The following AGFG1 variants were observed in gnomAD, a reference collection of about 807,000 sequenced individuals.
AGFG1 encodes the protein arf-GAP domain and FG repeat-containing protein 1.
In AGFG1, 10 loss-of-function variants were observed where a neutral mutation model predicts 60.6. The ratio of observed to expected loss-of-function variants is 0.16; its 90% CI spans 0.10 to 0.28. The LOEUF (loss-of-function observed/expected upper bound fraction) is 0.28, where lower values mean the gene tolerates loss of function less well. Ranked by LOEUF, AGFG1 falls within the 10% of genes least tolerant of loss-of-function variation. The pLI, the probability that AGFG1 is intolerant of heterozygous loss-of-function variation, is 1.00. For missense variants in AGFG1, 537 were observed against 676.5 expected (o/e 0.79, Z 2.29); for synonymous variants, 247 against 242.9 (o/e 1.02, Z -0.16).
At chr2:227,545,222 T>C (rs966431897) in intron 10 of AGFG1, among the ~76,000 whole-genome samples, 1 of 152,372 alleles carries the variant, frequency 6.6e-6, no homozygotes, top group Non-Finnish European at 1.5e-5. Flanking sequence ...GTTCAGTCAC[T>C]GGTACCCTTT....
chr2:227,557,116 C>T lies in AGFG1; in HGVS notation c.*2621C>T, dbSNP rs185164968. 3 of 152,274 alleles carry T rather than the reference C, an allele frequency of 2.0e-5. No individual in the cohort carries two copies. Among genetic ancestry groups the T allele is most frequent in the Admixed American group, 2.0e-4 (3 of 15,302 alleles). The allele number at this position is 152,274 out of a possible 1,614,324, so 9.4% of individuals were successfully genotyped here. A position where few individuals can be genotyped will look rare whatever the true frequency, so the allele number is the denominator to read the frequency against. On this transcript the variant is annotated 3_prime_UTR_variant, in exon 13 of 13. Coordinates refer to ENST00000310078, the MANE Select transcript of AGFG1 (RefSeq NM_004504.5). ...GAAAAAATCCTGGAAGGTAACAAGG[C>T]TGAAGACCTTCAAATTTCCTGGCTT...
chr2:227,512,415 TC>T (rs1422623315), intron 2 of AGFG1, among the ~76,000 whole-genome samples: 1 of 152,230 alleles, frequency 6.6e-6, no homozygotes, highest in Non-Finnish European at 1.5e-5. Flanking sequence ...GAAATACTAA[TC>T]AGCTGGTGGT....
At chr2:227,541,885 G>T (rs182340763) in intron 10 of AGFG1, among the ~76,000 whole-genome samples, 7,865 of 152,176 alleles carry the variant, frequency 0.052, 263 homozygotes, top group African/African-American at 0.082. Flanking sequence ...GCAGTGGTTT[G>T]TAGTTCTCCT....
intron 5 of AGFG1, 36 bp downstream of exon 5, chr2:227,524,951 G>A (rs987837000): frequency 6.2e-7 from 1 of 1,609,986 alleles, no homozygotes; most frequent in African/African-American, 1.3e-5. Context: ...TGCTGGGGAT[G>A]CATATAAAAC....
intron 2 of AGFG1, among the ~76,000 whole-genome samples, chr2:227,507,122 T>C (rs1282527068): frequency 6.6e-6 from 1 of 152,138 alleles, no homozygotes; most frequent in Non-Finnish European, 1.5e-5. Context: ...CAAGTACAGT[T>C]TGGGACTTGT....
intron 5 of AGFG1, 48 bp downstream of exon 5, chr2:227,524,963 C>T: frequency 6.3e-7 from 1 of 1,593,604 alleles, no homozygotes; most frequent in Non-Finnish European, 8.6e-7. Context: ...ATATAAAACA[C>T]CAAGAAACAT....
At position 227,555,823 on chromosome 2, in the gene AGFG1, A is replaced by T. The variant is rs1692957030; in HGVS notation, c.*1328A>T. The T allele has an allele frequency of 6.6e-6, 1 of 152,196 alleles. No individual in the cohort carries two copies. The highest frequency in any genetic ancestry group is 2.1e-4 in the South Asian group (1 of 4,832). 9.4% of individuals were successfully genotyped at this position (152,196 alleles called of 1,614,324 possible). ...AAACTTGGAATCGTTTTTTTTAAAAATGCCTCTGAGCAACCCATATAAGTC... is the reference window on the plus strand; with the variant it reads ...AAACTTGGAATCGTTTTTTTTAAAATTGCCTCTGAGCAACCCATATAAGTC... On this transcript the variant is annotated 3_prime_UTR_variant, in exon 13 of 13. Coordinates refer to ENST00000310078, the MANE Select transcript of AGFG1 (RefSeq NM_004504.5).
chr2:227,515,521 C>T (rs1025637752), intron 2 of AGFG1, among the ~76,000 whole-genome samples: 8 of 152,070 alleles, frequency 5.3e-5, no homozygotes, highest in African/African-American at 1.4e-4. Context: ...CTTTGTTATC[C>T]GTCTTCCTCC....
chr2:227,519,278 A>G (rs919660805), intron 2 of AGFG1, among the ~76,000 whole-genome samples: 8 of 152,346 alleles, frequency 5.3e-5, no homozygotes, highest in Non-Finnish European at 1.0e-4. Context: ...AATACTTTTG[A>G]TCAGTTGGTG....
intron 6 of AGFG1, among the ~76,000 whole-genome samples, chr2:227,532,939 T>A (rs1019374913): frequency 6.6e-6 from 1 of 152,196 alleles, no homozygotes; most frequent in Admixed American, 6.5e-5. Context: ...GTAATTTTAA[T>A]GCCTTGAACT....
intron 5 of AGFG1, among the ~76,000 whole-genome samples, chr2:227,526,618 C>A (rs549930535): frequency 6.8e-6 from 1 of 146,156 alleles, no homozygotes; most frequent in Non-Finnish European, 1.5e-5. Context: ...TCTTGGCTTA[C>A]CGCAACCTCT....
chr2:227,518,374 A>C (rs1187198268), intron 2 of AGFG1, among the ~76,000 whole-genome samples: 1 of 152,170 alleles, frequency 6.6e-6, no homozygotes, highest in Admixed American at 6.5e-5. Flanking sequence ...GAAACTGCCA[A>C]ATGTTTTCCA....
At chr2:227,543,282 G>T (rs890232399) in intron 10 of AGFG1, among the ~76,000 whole-genome samples, 1 of 151,526 alleles carries the variant, frequency 6.6e-6, no homozygotes, top group African/African-American at 2.4e-5. Flanking sequence ...CTGCTTTCTC[G>T]TGGGCATTTA....
chr2:227,517,076 A>G (rs555041246), intron 2 of AGFG1, among the ~76,000 whole-genome samples: 1 of 152,284 alleles, frequency 6.6e-6, no homozygotes, highest in South Asian at 2.1e-4. Context: ...TGGGTCTCTT[A>G]AAGGTCTGTA....
chr2:227,503,497 G>T (rs1396572991), intron 2 of AGFG1, among the ~76,000 whole-genome samples: 2 of 152,140 alleles, frequency 1.3e-5, no homozygotes, highest in Non-Finnish European at 2.9e-5. Context: ...TTTTTATATG[G>T]TCTACCTGAT....
chr2:227,480,252 T>C (rs1156304763), intron 1 of AGFG1, among the ~76,000 whole-genome samples: 1 of 152,018 alleles, frequency 6.6e-6, no homozygotes, highest in Admixed American at 6.5e-5. Flanking sequence ...TTGGGAGAGG[T>C]AATACATTTA....
intron 2 of AGFG1, among the ~76,000 whole-genome samples, chr2:227,511,560 G>T (rs1313035056): frequency 3.3e-5 from 5 of 152,134 alleles, no homozygotes; most frequent in Non-Finnish European, 5.9e-5. Context: ...TGAGAATTTG[G>T]ATCAGTGAAT....
In AGFG1 at chr2:227,473,002, C is replaced by T. The variant is rs1041957123; in HGVS notation, c.167+414C>T. 6.3e-5 allele frequency among the ~76,000 whole-genome samples: 9 copies of T among 142,258 alleles called. No homozygotes were observed. The South Asian group carries it at 1.4e-3, about 22-fold the overall frequency. 93.3% of individuals were successfully genotyped at this position (142,258 alleles called of 152,430 possible). On this transcript the variant is annotated intron_variant, in intron 1 of 12. Transcript: ENST00000310078. ...TAGGAGGCCGGGGGGGAGGTCCATGCGGGTCCTTTGTGTGCCCCGCCTCTC... is the reference window on the plus strand; with the variant it reads ...TAGGAGGCCGGGGGGGAGGTCCATGTGGGTCCTTTGTGTGCCCCGCCTCTC...
intron 5 of AGFG1, among the ~76,000 whole-genome samples, chr2:227,526,215 T>C (rs375684170): frequency 6.6e-6 from 1 of 152,124 alleles, no homozygotes. Flanking sequence ...ATTCATTTAT[T>C]TGAGGTGGAG....
Sources: gnomAD v4.1 joint callset for allele counts (sites outside exome capture counted in the v4.1 genomes callset) on GRCh38, gnomAD v4.1.1 for gene constraint, MANE v1.5 for transcripts, NCBI Gene and HGNC (gene_info 2026-07-23, HGNC 2026-07-21) for gene names.